Variants in CREB5 observed in about 807,000 individuals in gnomAD.
CREB5 encodes the protein cyclic AMP-responsive element-binding protein 5.
In CREB5, 19 loss-of-function variants were observed where a neutral mutation model predicts 57.1. The observed-to-expected ratio is 0.33, with a 90% confidence interval of 0.23 to 0.49. The LOEUF (loss-of-function observed/expected upper bound fraction) is 0.49, where lower values mean the gene tolerates loss of function less well. Among genes scored for constraint, CREB5 ranks in the 20% least tolerant of loss-of-function variants. The pLI is 0.99. For synonymous variants in CREB5, 238 were observed against 238.3 expected (o/e 1.00, Z 0.01); for missense variants, 579 against 671.6 (o/e 0.86, Z 1.52).
intron 7 of CREB5, among the ~76,000 whole-genome samples, chr7:28,771,483 A>T (rs757061492): frequency 6.6e-6 from 1 of 152,142 alleles, no homozygotes. Flanking sequence ...AGGGCCCCTC[A>T]TCCTCTTTAA....
chr7:28,824,584 C>T lies in CREB5; in HGVS notation c.*5305C>T, dbSNP rs1199353197. 2.6e-5 allele frequency: 4 copies of T among 152,462 alleles called. No individual in the cohort carries two copies. In the East Asian group the frequency reaches 7.7e-4, roughly 29 times the overall value. 9.4% of individuals were successfully genotyped at this position (152,462 alleles called of 1,614,324 possible). ...TAAACTTACAAGTAAAATTCAATAC[C>T]AAAACAAACACAAAGAAATTTAAAA... On this transcript the variant is annotated 3_prime_UTR_variant, in exon 11 of 11. Transcript: ENST00000357727.
intron 1 of CREB5, among the ~76,000 whole-genome samples, chr7:28,466,711 A>G (rs1019224536): frequency 6.6e-6 from 1 of 152,166 alleles, no homozygotes; most frequent in Non-Finnish European, 1.5e-5. Context: ...AGATACCGGA[A>G]GGGCGCTTAG....
At chr7:28,442,899 G>A (rs998123147) in intron 1 of CREB5, among the ~76,000 whole-genome samples, 1 of 152,142 alleles carries the variant, frequency 6.6e-6, no homozygotes, top group African/African-American at 2.4e-5. Flanking sequence ...TGTAAAATAT[G>A]TCATTCAAAT....
intron 1 of CREB5, among the ~76,000 whole-genome samples, chr7:28,380,220 A>G (rs1232194986): frequency 6.6e-6 from 1 of 152,190 alleles, no homozygotes; most frequent in Non-Finnish European, 1.5e-5. Context: ...GCCATAGGTA[A>G]GTTACACAGG....
chr7:28,439,057 T>G (rs1417205616), intron 1 of CREB5, among the ~76,000 whole-genome samples: 5 of 152,170 alleles, frequency 3.3e-5, no homozygotes, highest in African/African-American at 9.7e-5. Context: ...CAGACAGATC[T>G]ACTTGTGATT....
intron 1 of CREB5, among the ~76,000 whole-genome samples, chr7:28,461,846 G>A (rs1027052364): frequency 9.2e-5 from 14 of 152,010 alleles, no homozygotes; most frequent in African/African-American, 2.7e-4. Context: ...GTACAATGTA[G>A]AGAGCCCACT....
rs1809888756 is a variant in CREB5, at chr7:28,823,350, A to G, written c.*4071A>G. 1.3e-5 allele frequency: 2 copies of G among 152,650 alleles called. No homozygotes were observed. The highest frequency in any genetic ancestry group is 2.4e-5 in the African/African-American group (1 of 41,454). 9.5% of individuals were successfully genotyped at this position (152,650 alleles called of 1,614,324 possible). ...TTAGAATTTTATAAGATATTTATTA[A>G]TAAATGTTATTTTTAAACATTCCAT... On this transcript the variant is annotated 3_prime_UTR_variant, in exon 11 of 11. Transcript: ENST00000357727.
chr7:28,814,022 A>G (rs140194811), intron 9 of CREB5, among the ~76,000 whole-genome samples: 18 of 152,336 alleles, frequency 1.2e-4, no homozygotes, highest in African/African-American at 4.1e-4. Context: ...GATTTTCCTC[A>G]ATTTATAAAG....
chr7:28,492,453 C>T lies in CREB5; in HGVS notation c.76-2453C>T, dbSNP rs138384687. Among the ~76,000 whole-genome samples the T allele has an allele frequency of 1.5e-3, 225 of 152,270 alleles. 1 individual carries two copies. Among genetic ancestry groups the T allele is most frequent in the African/African-American group, 5.2e-3 (218 of 41,552 alleles). On this transcript the variant is annotated intron_variant, in intron 2 of 10. Transcript: ENST00000357727. ...CGTTCTGAATTCCAGTGGCCTTTCTCAGCTCTGTCTCTATTGCAGACTGTA... is the reference window on the plus strand; with the variant it reads ...CGTTCTGAATTCCAGTGGCCTTTCTTAGCTCTGTCTCTATTGCAGACTGTA...
At chr7:28,504,186 G>C (rs376164977) in intron 3 of CREB5, among the ~76,000 whole-genome samples, 1 of 151,784 alleles carries the variant, frequency 6.6e-6, no homozygotes, top group African/African-American at 2.4e-5. Flanking sequence ...AAAATGTGCA[G>C]ATGTTAAAAA....
At chr7:28,338,646 G>A (rs1785873988) in intron 1 of CREB5, among the ~76,000 whole-genome samples, 1 of 151,988 alleles carries the variant, frequency 6.6e-6, no homozygotes, top group Non-Finnish European at 1.5e-5. Context: ...TCTTGAATTT[G>A]ACTATTGACA....
chr7:28,650,315 A>G (rs895055148), intron 5 of CREB5, among the ~76,000 whole-genome samples: 2 of 152,140 alleles, frequency 1.3e-5, no homozygotes, highest in Non-Finnish European at 2.9e-5. Flanking sequence ...AATTGTATCT[A>G]CTTGTAGCCA....
chr7:28,460,414 A>T (rs1790302417), intron 1 of CREB5, among the ~76,000 whole-genome samples: 1 of 152,208 alleles, frequency 6.6e-6, no homozygotes, highest in East Asian at 1.9e-4. Flanking sequence ...CAGATGAGGA[A>T]ACTGAGGCAC....
intron 1 of CREB5, among the ~76,000 whole-genome samples, chr7:28,476,250 G>A (rs1228312163): frequency 6.6e-6 from 1 of 152,198 alleles, no homozygotes; most frequent in East Asian, 1.9e-4. Flanking sequence ...TGGATTATCA[G>A]AGAATCATCA....
intron 1 of CREB5, among the ~76,000 whole-genome samples, chr7:28,364,964 T>A (rs540296527): frequency 3.7e-4 from 57 of 152,294 alleles, no homozygotes; most frequent in Non-Finnish European, 4.9e-4. Context: ...TGGTTCATGG[T>A]CTTTTTCATT....
chr7:28,539,596 T>G (rs1287759768), intron 4 of CREB5, among the ~76,000 whole-genome samples: 1 of 152,202 alleles, frequency 6.6e-6, no homozygotes, highest in African/African-American at 2.4e-5. Context: ...AGTTTTGCAA[T>G]TAAGTGTTTT....
chr7:28,429,943 T>C (rs1279524813), intron 1 of CREB5, among the ~76,000 whole-genome samples: 1 of 152,192 alleles, frequency 6.6e-6, no homozygotes, highest in Non-Finnish European at 1.5e-5. Flanking sequence ...CAGGAAATGA[T>C]AATGAAAGAA....
chr7:28,555,151 G>C (rs1794814272), intron 4 of CREB5, among the ~76,000 whole-genome samples: 2 of 102,344 alleles, frequency 2.0e-5, no homozygotes, highest in Admixed American at 2.0e-4. Flanking sequence ...CTGCATATGG[G>C]TTTACCTAAA....
chr7:28,657,359 C>G (rs1012238691), intron 5 of CREB5, among the ~76,000 whole-genome samples: 1 of 152,120 alleles, frequency 6.6e-6, no homozygotes, highest in African/African-American at 2.4e-5. Flanking sequence ...AGAGCAGGGT[C>G]GATCCTCAGT....
Sources: gnomAD v4.1 joint callset for allele counts (sites outside exome capture counted in the v4.1 genomes callset) on GRCh38, gnomAD v4.1.1 for gene constraint, MANE v1.5 for transcripts, NCBI Gene and HGNC (gene_info 2026-07-23, HGNC 2026-07-21) for gene names.